The following NAV1 variants were observed in gnomAD, a reference collection of about 807,000 sequenced individuals.
NAV1 encodes the protein neuron navigator 1.
A neutral mutation model predicts 175.2 loss-of-function variants in NAV1; 18 were observed. The observed-to-expected ratio is 0.10, with a 90% CI of 0.07 to 0.15. The LOEUF (loss-of-function observed/expected upper bound fraction) is 0.15. Among genes scored for constraint, NAV1 ranks in the 10% least tolerant of loss-of-function variants. The probability of loss-of-function intolerance (pLI) is 1.00; values close to 1 mark genes in which losing one functional copy is unlikely to be tolerated. For missense variants in NAV1, 1,731 were observed against 2,436.6 expected (o/e 0.71, Z 6.10); for synonymous variants, 897 against 978.7 (o/e 0.92, Z 1.56).
At chr1:201,594,712 C>T (rs1466963445) in intron 2 of NAV1, among the ~76,000 whole-genome samples, 3 of 152,160 alleles carry the variant, frequency 2.0e-5, no homozygotes, top group Admixed American at 6.5e-5. Context: ...GTGGGGTTTA[C>T]GGGGAGCTGG....
intron 2 of NAV1, among the ~76,000 whole-genome samples, chr1:201,630,371 A>G (rs1668450770): frequency 6.6e-6 from 1 of 152,240 alleles, no homozygotes; most frequent in Non-Finnish European, 1.5e-5. Flanking sequence ...GAGATTGTCC[A>G]GAGGGCTTGT....
Position 201,603,477 on chromosome 1 carries a change from T to C in NAV1, c.-33+14828T>C, listed in dbSNP as rs78207013. 2.6e-3 allele frequency among the ~76,000 whole-genome samples: 390 copies of C among 152,354 alleles called. 2 individuals are homozygous for C. Among genetic ancestry groups the C allele is most frequent in the African/African-American group, 8.9e-3 (372 of 41,588 alleles). The stretch of plus-strand genomic sequence containing the variant: ...CCTTTGCTTCTGGTAACAGAAGTCA[T>C]GACTTTGGCAAAATTAATTTGCCTG... On this transcript the variant is annotated intron_variant, in intron 2 of 33. Coordinates refer to the NAV1 transcript ENST00000685211.
intron 1 of NAV1, among the ~76,000 whole-genome samples, chr1:201,661,391 G>A (rs1669610491): frequency 6.6e-6 from 1 of 152,176 alleles, no homozygotes; most frequent in Non-Finnish European, 1.5e-5. Context: ...ACAGTATCGT[G>A]GCTAGTGCTG....
At position 201,821,395 on chromosome 1, in the gene NAV1, T is replaced by C. The variant is rs532301446; in HGVS notation, c.*1463T>C. ...ACCTGCCTTCCAAAGAGATCCTACC[T>C]TTGCAGATTTGCTCCTTTCCCATTG... On this transcript the variant is annotated 3_prime_UTR_variant, in exon 30 of 30. Coordinates refer to ENST00000367296, the Ensembl canonical transcript of NAV1. The C allele has an allele frequency of 3.3e-5, 5 of 152,568 alleles. No homozygotes were observed. The South Asian group carries it at 8.3e-4, about 25-fold the overall frequency. The allele number at this position is 152,568 out of a possible 1,614,324, so 9.5% of individuals were successfully genotyped here.
At chr1:201,756,838 T>TTCTC (rs755956006) in intron 3 of NAV1, among the ~76,000 whole-genome samples, 12 of 115,856 alleles carry the variant, frequency 1.0e-4, no homozygotes, top group African/African-American at 3.5e-4. Context: ...CTTTCTTTCT[T>TTCTC]TCTTTCTTTC....
At chr1:201,744,591 C>T (rs1166155260) in intron 3 of NAV1, among the ~76,000 whole-genome samples, 1 of 152,066 alleles carries the variant, frequency 6.6e-6, no homozygotes, top group African/African-American at 2.4e-5. Context: ...AGGCAGAAGG[C>T]AGCAAGTAAC....
At chr1:201,655,376 C>A (rs1267086061) in intron 1 of NAV1, among the ~76,000 whole-genome samples, 1 of 152,254 alleles carries the variant, frequency 6.6e-6, no homozygotes, top group Non-Finnish European at 1.5e-5. Flanking sequence ...TCCCCCCACA[C>A]CCTGTTTGGA....
At chr1:201,638,286 G>A (rs1220966825) in intron 2 of NAV1, among the ~76,000 whole-genome samples, 1 of 152,176 alleles carries the variant, frequency 6.6e-6, no homozygotes, top group Admixed American at 6.5e-5. Context: ...CAGGACATAG[G>A]TCATGGGGCT....
chr1:201,611,945 T>C (rs1199538591), intron 2 of NAV1, among the ~76,000 whole-genome samples: 1 of 149,032 alleles, frequency 6.7e-6, no homozygotes, highest in Admixed American at 6.6e-5. Flanking sequence ...GCATGTATGA[T>C]GTGTGCGGTG....
chr1:201,744,778 A>G (rs1205331777), intron 3 of NAV1, among the ~76,000 whole-genome samples: 1 of 152,184 alleles, frequency 6.6e-6, no homozygotes, highest in East Asian at 1.9e-4. Flanking sequence ...GTTTTTCCCA[A>G]TTGAGAGGTT....
Position 201,718,469 on chromosome 1 carries a change from C to A in NAV1, c.940C>A (p.Leu314Met), listed in dbSNP as rs1179818564. 2 of 1,586,710 alleles carry A rather than the reference C, an allele frequency of 1.3e-6. No individual in the cohort carries two copies. Among genetic ancestry groups the A allele is most frequent in the South Asian group, 2.3e-5 (2 of 88,756 alleles). Residue 314 changes from leucine to methionine, a missense_variant, in exon 3 of 30, where the codon CTG becomes ATG. This residue lies in a region of NAV1 where 487 missense variants were observed against 581.3 expected (regional missense o/e 0.84). Transcript: ENST00000367296. The surrounding 1 kb of genome is among the most constrained non-coding windows in gnomAD (Gnocchi z 4.8). Reference sequence around the variant, plus strand: ...CAGCCTCTCCAACCGCTCGTCCCCTCTGTCATGGCGCTATGGCCAGTCCAG... The same window carrying A: ...CAGCCTCTCCAACCGCTCGTCCCCTATGTCATGGCGCTATGGCCAGTCCAG...
rs561207116 is a variant in NAV1 at position 201,592,864 on chromosome 1, G to A, written c.-33+4215G>A. ...GAGCCCTACCCGTCAGACCAGGAGC[G>A]AGTCCAGGGAGGATTGGGATGCGGT... On this transcript the variant is annotated intron_variant, in intron 2 of 33. Coordinates refer to the NAV1 transcript ENST00000685211. 1.1e-4 allele frequency among the ~76,000 whole-genome samples: 16 copies of A among 152,158 alleles called. 1 individual carries two copies. The South Asian group carries it at 1.5e-3, about 14-fold the overall frequency.
Position 201,718,877 on chromosome 1 carries a change from C to T in NAV1, c.1226+122C>T. The stretch of plus-strand genomic sequence containing the variant: ...GGTTTGCTGTGCTGCTATGAAAGTA[C>T]ACAAAAGTGTGCTGTGTACACTTTG... On this transcript the variant is annotated intron_variant, in intron 3 of 29. Coordinates refer to ENST00000367296, the Ensembl canonical transcript of NAV1. This position sits in a 1 kb window ranked among gnomAD's most constrained non-coding sequence, Gnocchi z 4.8. 1 of 1,252,848 alleles carries T rather than the reference C, an allele frequency of 8.0e-7. No individual in the cohort carries two copies. The highest frequency in any genetic ancestry group is 1.1e-6 in the Non-Finnish European group (1 of 893,864). The allele number at this position is 1,252,848 out of a possible 1,614,324, so 77.6% of individuals were successfully genotyped here.
At chr1:201,665,116 C>G (rs1486244651) in intron 1 of NAV1, among the ~76,000 whole-genome samples, 2 of 152,196 alleles carry the variant, frequency 1.3e-5, no homozygotes, top group Non-Finnish European at 2.9e-5. Flanking sequence ...CCAGCGTCCT[C>G]CCACCCATGG....
exon 1 of NAV1, chr1:201,649,173 G>A: frequency 1.2e-6 from 2 of 1,612,302 alleles, no homozygotes; most frequent in Non-Finnish European, 1.7e-6. Context: ...GCCCAACCTG[G>A]GAAAGCCGAG....
intron 3 of NAV1, among the ~76,000 whole-genome samples, chr1:201,747,629 G>A (rs1489657240): frequency 2.0e-5 from 3 of 152,088 alleles, no homozygotes; most frequent in African/African-American, 7.2e-5. Flanking sequence ...GTGCTTGAGT[G>A]GTTAATCAGA....
chr1:201,599,528 C>T (rs919698155), intron 2 of NAV1, among the ~76,000 whole-genome samples: 1 of 152,172 alleles, frequency 6.6e-6, no homozygotes, highest in African/African-American at 2.4e-5. Flanking sequence ...ACAGGTGGTA[C>T]AGAAGAATGG....
chr1:201,715,149 C>G (rs1374210025), intron 2 of NAV1, among the ~76,000 whole-genome samples: 2 of 149,844 alleles, frequency 1.3e-5, no homozygotes, highest in Non-Finnish European at 3.0e-5. Flanking sequence ...CAATGATTCC[C>G]TGACTTTTTA....
chr1:201,579,701 G>T (rs905165497), intron 1 of NAV1, among the ~76,000 whole-genome samples: 8 of 152,118 alleles, frequency 5.3e-5, no homozygotes, highest in African/African-American at 1.9e-4. Context: ...TCTTATGTTT[G>T]CTTTATATAT....
Sources: allele counts gnomAD v4.1 joint callset (sites outside exome capture counted in the v4.1 genomes callset), GRCh38; gene constraint gnomAD v4.1.1; regional missense constraint gnomAD v4.1.1; non-coding constraint Gnocchi (gnomAD v3.1); transcripts MANE v1.5; gene names NCBI Gene and HGNC (gene_info 2026-07-23, HGNC 2026-07-21).